The following PTPRT variants were observed in gnomAD, a reference collection of about 807,000 sequenced individuals.
PTPRT encodes protein tyrosine phosphatase receptor type T.
PTPRT carries 56 observed loss-of-function variants against 176.8 expected under a neutral mutation model. That is an observed-to-expected ratio of 0.32 (90% CI 0.26 to 0.40). The LOEUF is 0.40. Among genes scored for constraint, PTPRT ranks in the 10% least tolerant of loss-of-function variants. The probability of loss-of-function intolerance (pLI) is 1.00; values close to 1 mark genes in which losing one functional copy is unlikely to be tolerated. For missense variants in PTPRT, 1,540 were observed against 1,908.2 expected (o/e 0.81, Z 3.60); for synonymous variants, 783 against 739.0 (o/e 1.06, Z -0.96).
chr20:43,112,504 T>C (rs1265823783), intron 1 of PTPRT, among the ~76,000 whole-genome samples: 3 of 152,080 alleles, frequency 2.0e-5, no homozygotes, highest in Admixed American at 1.3e-4. Flanking sequence ...GGAAACTAGA[T>C]GAGGAAATAA....
chr20:42,737,463 T>C (rs938308101), intron 6 of PTPRT, among the ~76,000 whole-genome samples: 1 of 151,990 alleles, frequency 6.6e-6, no homozygotes, highest in Non-Finnish European at 1.5e-5. Context: ...AAACCCCGTC[T>C]CTACTAAAAA....
chr20:42,257,698 G>A (rs943209068), intron 13 of PTPRT, among the ~76,000 whole-genome samples: 1 of 131,502 alleles, frequency 7.6e-6, no homozygotes. Context: ...CATGTAAGAT[G>A]CCTGCTGCCC....
intron 12 of PTPRT, among the ~76,000 whole-genome samples, chr20:42,308,086 G>C (rs528604947): frequency 6.6e-6 from 1 of 152,056 alleles, no homozygotes; most frequent in South Asian, 2.1e-4. Context: ...CCTCAGTTCC[G>C]GGAATTGCCC....
rs995546163 is a variant in PTPRT, at chr20:42,104,630, T to C, written c.3479A>G (p.Tyr1160Cys). Residue 1160 changes from tyrosine (Y) to cysteine (C), a missense_variant, in exon 25 of 31, where the codon TAC (tyrosine) becomes TGC (cysteine). Around this residue, in one of 11 missense-constraint regions of PTPRT, gnomAD observed 342 missense variants for 394.0 expected, o/e 0.87. Transcript: ENST00000373187. ...GGGGTCCAGCCTGCTGATATTGTAG[T>C]AGAGAGAACGGAACTCACACACAGG... ...AIPVCEFRSL[Y>C]YNISRLDPQT... The C allele has an allele frequency of 1.9e-6, 3 of 1,609,596 alleles. No homozygotes were observed. The highest frequency in any genetic ancestry group is 3.3e-5 in the Admixed American group (2 of 59,988).
At chr20:43,070,813 T>C (rs2011169850) in intron 1 of PTPRT, among the ~76,000 whole-genome samples, 1 of 150,946 alleles carries the variant, frequency 6.6e-6, no homozygotes, top group Non-Finnish European at 1.5e-5. Context: ...CATCACACAC[T>C]GGGGCCTGTT....
At chr20:42,259,944 G>T (rs1328562993) in intron 13 of PTPRT, among the ~76,000 whole-genome samples, 1 of 152,166 alleles carries the variant, frequency 6.6e-6, no homozygotes, top group Non-Finnish European at 1.5e-5. Context: ...GGCTTCATAG[G>T]AATAGTCCTG....
chr20:42,629,648 C>T (rs996381149), intron 7 of PTPRT, among the ~76,000 whole-genome samples: 2 of 152,150 alleles, frequency 1.3e-5, no homozygotes, highest in Admixed American at 6.5e-5. Flanking sequence ...CTAAGATGGT[C>T]TGCTTGGTAC....
At chr20:42,608,905 G>T (rs1286319789) in intron 7 of PTPRT, among the ~76,000 whole-genome samples, 1 of 152,098 alleles carries the variant, frequency 6.6e-6, no homozygotes, top group African/African-American at 2.4e-5. Flanking sequence ...CCAAGGGAAG[G>T]GATCAGAGAC....
chr20:42,331,163 G>A (rs1326510408), intron 11 of PTPRT, among the ~76,000 whole-genome samples: 4 of 152,072 alleles, frequency 2.6e-5, no homozygotes, highest in Admixed American at 1.3e-4. Context: ...CTCCTGTCAA[G>A]TTCTCAGTTG....
intron 7 of PTPRT, among the ~76,000 whole-genome samples, chr20:42,655,623 T>C (rs961856662): frequency 1.3e-5 from 2 of 152,058 alleles, no homozygotes; most frequent in Admixed American, 6.5e-5. Flanking sequence ...AGAGTAAAAC[T>C]GGAGAAAAAA....
At chr20:42,497,344 T>G (rs2071673066) in intron 7 of PTPRT, among the ~76,000 whole-genome samples, 1 of 152,046 alleles carries the variant, frequency 6.6e-6, no homozygotes, top group Non-Finnish European at 1.5e-5. Flanking sequence ...CATTAAAAAC[T>G]TGTTCAGGTA....
chr20:42,468,495 G>A (rs78385501), intron 8 of PTPRT, among the ~76,000 whole-genome samples: 2,469 of 152,338 alleles, frequency 0.016, 65 homozygotes, highest in African/African-American at 0.057. Context: ...TGTCTCGTAT[G>A]TTGGTGTTTT....
chr20:42,422,675 C>T (rs943192494), intron 9 of PTPRT, among the ~76,000 whole-genome samples: 9 of 152,146 alleles, frequency 5.9e-5, no homozygotes, highest in Non-Finnish European at 1.3e-4. Flanking sequence ...AAATACCATT[C>T]GACCCAGCAA....
chr20:42,056,014 C>T, the PTPRT span, among the ~76,000 whole-genome samples: 6 of 152,280 alleles, frequency 3.9e-5, no homozygotes, highest in East Asian at 1.9e-4. Flanking sequence ...TTCCACCCTC[C>T]GCTGTCCCCT....
chr20:42,472,438 G>C lies in PTPRT; in HGVS notation c.1278C>G (p.Tyr426Ter). The change falls in exon 8 of 31, where the codon TAC becomes TAG. Residue 426 changes from tyrosine to a stop codon, truncating the protein, a stop_gained. Transcript: ENST00000373187. LOFTEE classifies it high-confidence loss of function. ...RCHSYNLTVQ[Y>*]QYVFNQQQYE... ...ACTGCTGCTGGTTGAACACATACTGGTACTGCACGGTGAGGTTGTAGCTAT... is the reference window on the plus strand; with the variant it reads ...ACTGCTGCTGGTTGAACACATACTGCTACTGCACGGTGAGGTTGTAGCTAT... The C allele has an allele frequency of 6.2e-7, 1 of 1,614,260 alleles. No homozygotes were observed. The highest frequency in any genetic ancestry group is 8.5e-7 in the Non-Finnish European group (1 of 1,180,042).
chr20:42,356,383 C>T (rs2058358321), intron 9 of PTPRT, among the ~76,000 whole-genome samples: 1 of 152,070 alleles, frequency 6.6e-6, no homozygotes, highest in African/African-American at 2.4e-5. Flanking sequence ...AGCCAGAAAC[C>T]AAAGCAGGTG....
At chr20:42,643,172 C>T (rs546083564) in intron 7 of PTPRT, among the ~76,000 whole-genome samples, 1 of 152,114 alleles carries the variant, frequency 6.6e-6, no homozygotes, top group Admixed American at 6.6e-5. Flanking sequence ...CTGATGCAAC[C>T]AGTTCCATTA....
intron 16 of PTPRT, among the ~76,000 whole-genome samples, chr20:42,191,130 G>A (rs922500425): frequency 1.3e-5 from 2 of 151,734 alleles, no homozygotes; most frequent in African/African-American, 4.8e-5. Context: ...ACATTTCAAG[G>A]CCCCAGACTA....
chr20:42,720,423 G>A (rs2076286642), intron 6 of PTPRT, among the ~76,000 whole-genome samples: 1 of 152,214 alleles, frequency 6.6e-6, no homozygotes, highest in Non-Finnish European at 1.5e-5. Flanking sequence ...AGGAAGTAAG[G>A]TGAGATGTGT....
Sources: allele counts gnomAD v4.1 joint callset (sites outside exome capture counted in the v4.1 genomes callset), GRCh38; gene constraint gnomAD v4.1.1; regional missense constraint gnomAD v4.1.1; transcripts MANE v1.5; gene names NCBI Gene and HGNC (gene_info 2026-07-23, HGNC 2026-07-21).